SPNS3: variants seen among roughly 807,000 people sequenced by gnomAD.
SPNS3 encodes the protein protein spinster homolog 3.
A neutral mutation model predicts 54.4 loss-of-function variants in SPNS3; 51 were observed. The ratio of observed to expected loss-of-function variants is 0.94; its 90% CI spans 0.75 to 1.18. The LOEUF is 1.18. Ranked by LOEUF, SPNS3 falls within the 50% of genes most tolerant of loss-of-function variation. SPNS3 has a pLI of 0.00. For missense variants in SPNS3, 669 were observed against 677.4 expected (o/e 0.99, Z 0.14); for synonymous variants, 309 against 294.7 (o/e 1.05, Z -0.50).
At chr17:4,455,917 T>TGGGG (rs10531598) in intron 8 of SPNS3, among the ~76,000 whole-genome samples, 1 of 150,748 alleles carries the variant, frequency 6.6e-6, no homozygotes, top group African/African-American at 2.5e-5. Context: ...CTGCCCTCTG[T>TGGGG]GGGGGGGGGG....
At chr17:4,441,121 A>G (rs1217676661) in intron 2 of SPNS3, among the ~76,000 whole-genome samples, 2 of 152,232 alleles carry the variant, frequency 1.3e-5, no homozygotes, top group East Asian at 1.9e-4. Context: ...AAAATACACA[A>G]CAACGCTGGA....
At chr17:4,487,086 C>A (rs1413991287) in intron 11 of SPNS3, among the ~76,000 whole-genome samples, 8 of 147,728 alleles carry the variant, frequency 5.4e-5, no homozygotes, top group Non-Finnish European at 8.9e-5. Context: ...GCAGGAGAAT[C>A]ACTTGAACCC....
At chr17:4,470,423 G>T (rs1971824773) in intron 8 of SPNS3, among the ~76,000 whole-genome samples, 1 of 152,058 alleles carries the variant, frequency 6.6e-6, no homozygotes, top group African/African-American at 2.4e-5. Flanking sequence ...GCAAGACCCT[G>T]TCTTAAAATA....
At chr17:4,447,151 G>A (rs373477597) in intron 5 of SPNS3, among the ~76,000 whole-genome samples, 189 bp downstream of exon 5, 6 of 152,284 alleles carry the variant, frequency 3.9e-5, no homozygotes, top group South Asian at 2.1e-4. Flanking sequence ...AGTGGTGGCC[G>A]TGGGCTCAAA....
At chr17:4,458,212 C>T (rs1051290657) in intron 8 of SPNS3, among the ~76,000 whole-genome samples, 5 of 152,176 alleles carry the variant, frequency 3.3e-5, no homozygotes, top group African/African-American at 4.8e-5. Context: ...TAGAAGCCAC[C>T]TTCCTGGTCT....
chr17:4,453,962 G>A (rs530845735), intron 8 of SPNS3, among the ~76,000 whole-genome samples: 2 of 152,190 alleles, frequency 1.3e-5, no homozygotes, highest in East Asian at 3.9e-4. Flanking sequence ...TGTGCCAGCC[G>A]TGTGGGCACA....
chr17:4,460,591 C>T lies in SPNS3; in HGVS notation c.1113+7386C>T, dbSNP rs1337104637. On this transcript the variant is annotated intron_variant, in intron 8 of 11. Coordinates refer to ENST00000355530, the MANE Select transcript of SPNS3 (RefSeq NM_182538.5). ...GGACTACAGGCGCCTGCTACCACGCCTGGCTAATTTTTTGTATTTTTTTTT... is the reference window on the plus strand; with the variant it reads ...GGACTACAGGCGCCTGCTACCACGCTTGGCTAATTTTTTGTATTTTTTTTT... Among the ~76,000 whole-genome samples the T allele has an allele frequency of 2.7e-5, 4 of 150,798 alleles. No homozygotes were observed. The Admixed American group carries it at 2.7e-4, about 10-fold the overall frequency.
Position 4,445,171 on chromosome 17 carries a change from A to T in SPNS3, c.402+3A>T, listed in dbSNP as rs942453875. ...CTAGCTCCTTCATCTCCCCCCGGGTACGTGTCCATGCCCCTGTCCAGGCCC... is the reference window on the plus strand; with the variant it reads ...CTAGCTCCTTCATCTCCCCCCGGGTTCGTGTCCATGCCCCTGTCCAGGCCC... On this transcript the variant is annotated splice_donor_region_variant and intron_variant, in intron 3 of 11. Coordinates refer to ENST00000355530, the MANE Select transcript of SPNS3 (RefSeq NM_182538.5). The T allele has an allele frequency of 6.2e-6, 10 of 1,611,672 alleles. No individual in the cohort carries two copies. The highest frequency in any genetic ancestry group is 6.8e-6 in the Non-Finnish European group (8 of 1,178,544).
At chr17:4,444,926 T>A in intron 2 of SPNS3, 106 bp from the exon 3 acceptor site, 1 of 1,374,240 alleles carries the variant, frequency 7.3e-7, no homozygotes, top group South Asian at 1.4e-5. Flanking sequence ...ACTGCCAAGA[T>A]GCCAGCTTGT....
chr17:4,482,276 G>A (rs889360225), intron 9 of SPNS3: 2 of 152,192 alleles, frequency 1.3e-5, no homozygotes, highest in African/African-American at 4.8e-5. Context: ...CGGTCCGGTG[G>A]CTTGGAGACG....
intron 4 of SPNS3, 99 bp downstream of exon 4, chr17:4,446,298 G>A (rs749055917): frequency 3.0e-5 from 42 of 1,377,476 alleles, no homozygotes; most frequent in Non-Finnish European, 3.9e-5. Flanking sequence ...CAAACCAGGA[G>A]GGCTGGGATT....
chr17:4,478,751 C>A, intron 9 of SPNS3, 114 bp downstream of exon 9: 2 of 997,942 alleles, frequency 2.0e-6, no homozygotes, highest in Non-Finnish European at 3.0e-6. Context: ...CATTAGGGGA[C>A]CAAAGCCATT....
chr17:4,468,908 C>T (rs1391447648), intron 8 of SPNS3, among the ~76,000 whole-genome samples: 5 of 151,820 alleles, frequency 3.3e-5, no homozygotes, highest in Middle Eastern at 3.4e-3. Flanking sequence ...CCTGCCTCAG[C>T]CTCCCGAGTA....
At chr17:4,484,660 G>C (rs1251154848) in intron 9 of SPNS3, among the ~76,000 whole-genome samples, 2 of 152,120 alleles carry the variant, frequency 1.3e-5, no homozygotes, top group African/African-American at 4.8e-5. Flanking sequence ...TGGACACCTA[G>C]GTCTTGGGGA....
chr17:4,441,983 A>AGTAAGTGTGTGTGT (rs1555528906), intron 2 of SPNS3, among the ~76,000 whole-genome samples: 1 of 139,000 alleles, frequency 7.2e-6, no homozygotes, highest in African/African-American at 2.7e-5. Context: ...CGGAGGGAGA[A>AGTAAGTGTGTGTGT]GTGTGTGTGT....
chr17:4,474,162 C>T (rs769167211), intron 8 of SPNS3, among the ~76,000 whole-genome samples: 5 of 152,202 alleles, frequency 3.3e-5, no homozygotes, highest in South Asian at 4.1e-4. Flanking sequence ...TCTGGGAGGA[C>T]GCAAAGGTTT....
chr17:4,441,283 G>A (rs781737990), intron 2 of SPNS3, among the ~76,000 whole-genome samples: 19 of 152,210 alleles, frequency 1.2e-4, no homozygotes, highest in Non-Finnish European at 1.9e-4. Flanking sequence ...AGCTCTTAGG[G>A]AGGCAGAGGC....
At chr17:4,462,845 GCACCCACCCACC>G (rs1190260361) in intron 8 of SPNS3, among the ~76,000 whole-genome samples, 6 of 17,040 alleles carry the variant, frequency 3.5e-4, no homozygotes, top group East Asian at 2.2e-3. Context: ...ATTCAACCAC[GCACCCACCCACC>G]CACCCACCCA....
At chr17:4,481,039 C>T (rs1972136481) in intron 9 of SPNS3, among the ~76,000 whole-genome samples, 1 of 151,972 alleles carries the variant, frequency 6.6e-6, no homozygotes, top group African/African-American at 2.4e-5. Flanking sequence ...CAGCTTGGAG[C>T]AGGGTGAGGA....
Sources: allele counts gnomAD v4.1 joint callset (sites outside exome capture counted in the v4.1 genomes callset), GRCh38; gene constraint gnomAD v4.1.1; transcripts MANE v1.5; gene names NCBI Gene and HGNC (gene_info 2026-07-23, HGNC 2026-07-21).